Variants in PKN2 observed in about 807,000 individuals in gnomAD.
PKN2 encodes the protein serine/threonine-protein kinase N2.
A neutral mutation model predicts 119.1 loss-of-function variants in PKN2; 38 were observed. That is an observed-to-expected ratio of 0.32 (90% CI 0.25 to 0.42). The LOEUF (loss-of-function observed/expected upper bound fraction) is 0.42. Among genes scored for constraint, PKN2 ranks in the 10% least tolerant of loss-of-function variants. The pLI, the probability that PKN2 is intolerant of heterozygous loss-of-function variation, is 1.00. For synonymous variants in PKN2, 390 were observed against 384.9 expected (o/e 1.01, Z -0.15); for missense variants, 850 against 1,165.1 (o/e 0.73, Z 3.94).
At chr1:88,825,308 A>C (rs1672455010) in intron 18 of PKN2, among the ~76,000 whole-genome samples, 1 of 152,112 alleles carries the variant, frequency 6.6e-6, no homozygotes, top group Non-Finnish European at 1.5e-5. Flanking sequence ...TCTTCACTGC[A>C]ATTTTTTGAC....
At chr1:88,687,610 A>G (rs1666154746) in intron 1 of PKN2, among the ~76,000 whole-genome samples, 1 of 152,206 alleles carries the variant, frequency 6.6e-6, no homozygotes, top group Non-Finnish European at 1.5e-5. Context: ...TGATTATTGG[A>G]GATTCATTTT....
intron 1 of PKN2, among the ~76,000 whole-genome samples, chr1:88,686,643 T>TA (rs1553144007): frequency 6.6e-6 from 1 of 152,144 alleles, no homozygotes; most frequent in Non-Finnish European, 1.5e-5. Flanking sequence ...TGATAAAAGT[T>TA]ATTGCATTTA....
Position 88,760,396 on chromosome 1 carries a change from GTAAC to G in PKN2, c.504+23_504+26del. ...TCAAAGGTAAGTGTAGTTAATAAAT[GTAAC>G]TATATAGTCAGTCATTATTTGCAGA... On this transcript the variant is annotated intron_variant, in intron 3 of 21. Coordinates refer to ENST00000370521, the MANE Select transcript of PKN2 (RefSeq NM_006256.4). 7.5e-7 allele frequency: 1 copy of G among 1,331,982 alleles called. No individual in the cohort carries two copies. Among genetic ancestry groups the G allele is most frequent in the Non-Finnish European group, 1.0e-6 (1 of 954,700 alleles). 82.5% of individuals were successfully genotyped at this position (1,331,982 alleles called of 1,614,324 possible). A position where few individuals can be genotyped will look rare whatever the true frequency, so the allele number is the denominator to read the frequency against.
intron 1 of PKN2, among the ~76,000 whole-genome samples, chr1:88,737,962 C>T (rs1003381320): frequency 1.3e-5 from 2 of 152,050 alleles, no homozygotes; most frequent in African/African-American, 2.4e-5. Context: ...TTGGCTCTTG[C>T]GAAGTTACTT....
At chr1:88,797,248 C>T (rs1671110663) in intron 8 of PKN2, among the ~76,000 whole-genome samples, 1 of 151,690 alleles carries the variant, frequency 6.6e-6, no homozygotes, top group Admixed American at 6.6e-5. Flanking sequence ...GCAGGAGAAT[C>T]ACTTGAACCT....
intron 1 of PKN2, among the ~76,000 whole-genome samples, chr1:88,687,992 T>A (rs1341117057): frequency 6.6e-6 from 1 of 152,214 alleles, no homozygotes; most frequent in Non-Finnish European, 1.5e-5. Context: ...ATGTTGTGGA[T>A]CAGGAAACAA....
intron 1 of PKN2, among the ~76,000 whole-genome samples, chr1:88,723,418 C>CA (rs1170855197): frequency 6.7e-6 from 1 of 148,460 alleles, no homozygotes; most frequent in East Asian, 2.0e-4. Flanking sequence ...CTGCCCCCCC[C>CA]CCTTTTATTT....
chr1:88,832,570 A>T (rs773656542), intron 19 of PKN2, among the ~76,000 whole-genome samples, 174 bp from the exon 20 acceptor site: 3 of 151,854 alleles, frequency 2.0e-5, no homozygotes, highest in Non-Finnish European at 2.9e-5. Context: ...GTCACTTCTT[A>T]TAGTTCTTTT....
intron 2 of PKN2, among the ~76,000 whole-genome samples, chr1:88,744,513 C>T (rs977607717): frequency 5.3e-5 from 8 of 152,168 alleles, no homozygotes; most frequent in Non-Finnish European, 8.8e-5. Context: ...CTCCGCCTGC[C>T]GGGTTCAAGT....
chr1:88,696,846 A>AT (rs1421570121), intron 1 of PKN2, among the ~76,000 whole-genome samples: 1 of 152,062 alleles, frequency 6.6e-6, no homozygotes, highest in East Asian at 1.9e-4. Context: ...TCTGACCCCC[A>AT]TTTTTTCTGA....
At chr1:88,767,504 C>G (rs1042250207) in intron 3 of PKN2, among the ~76,000 whole-genome samples, 3 of 152,180 alleles carry the variant, frequency 2.0e-5, no homozygotes, top group African/African-American at 7.2e-5. Context: ...TGTACTTACA[C>G]AAACCTAGAT....
intron 8 of PKN2, among the ~76,000 whole-genome samples, chr1:88,790,076 C>T (rs544919198): frequency 1.3e-5 from 2 of 152,298 alleles, no homozygotes; most frequent in South Asian, 4.1e-4. Flanking sequence ...ATGTATTAGT[C>T]CGCATTTCTT....
rs754023326 is a variant in PKN2 at position 88,833,496 on chromosome 1, A to C, written c.*48A>C. Reference sequence around the variant, plus strand: ...AGCTGACTCACAAGAAGACCTCTTAAAAATAGCAACCCTTCATTTGCTCTC... The same window carrying C: ...AGCTGACTCACAAGAAGACCTCTTACAAATAGCAACCCTTCATTTGCTCTC... On this transcript the variant is annotated 3_prime_UTR_variant, in exon 22 of 22. Coordinates refer to ENST00000370521, the MANE Select transcript of PKN2 (RefSeq NM_006256.4). 2.1e-6 allele frequency: 3 copies of C among 1,451,920 alleles called. No individual in the cohort carries two copies. The South Asian group carries it at 3.5e-5, about 17-fold the overall frequency. 89.9% of individuals were successfully genotyped at this position (1,451,920 alleles called of 1,614,324 possible).
intron 12 of PKN2, 106 bp from the exon 13 acceptor site, chr1:88,807,207 C>A: frequency 1.1e-6 from 1 of 900,736 alleles, no homozygotes; most frequent in Non-Finnish European, 1.6e-6. Flanking sequence ...CTTTTCACTC[C>A]AACATTTATA....
chr1:88,713,994 A>C (rs564621621), intron 1 of PKN2, among the ~76,000 whole-genome samples: 1 of 152,306 alleles, frequency 6.6e-6, no homozygotes, highest in African/African-American at 2.4e-5. Context: ...TCAGCTTTCT[A>C]CATATGGCTA....
chr1:88,781,234 T>A (rs1228721340), intron 6 of PKN2: 1 of 1,005,244 alleles, frequency 9.9e-7, no homozygotes, highest in African/African-American at 1.7e-5. Context: ...TCCAGTTTCT[T>A]TTGTGGTTGT....
rs1438593032 is a variant in PKN2 at position 88,760,343 on chromosome 1, T to C, written c.471T>C (p.Asn157=). Residue 157 remains asparagine, a synonymous_variant, in exon 3 of 22, where the codon AAT becomes AAC. Transcript: ENST00000370521. ...IELKVKQGAE[N]MIQMYSNGSS... ...TTAAAGTAAAACAAGGTGCAGAGAA[T>C]ATGATACAGATGTATTCAAATGGAT... is the stretch of plus-strand genomic sequence containing the variant. 1 of 1,565,950 alleles carries C rather than the reference T, an allele frequency of 6.4e-7. No individual in the cohort carries two copies. Among genetic ancestry groups the C allele is most frequent in the South Asian group, 1.1e-5 (1 of 88,742 alleles).
intron 1 of PKN2, among the ~76,000 whole-genome samples, chr1:88,698,608 C>T (rs1188185443): frequency 6.6e-6 from 1 of 152,162 alleles, no homozygotes; most frequent in Non-Finnish European, 1.5e-5. Flanking sequence ...TCCATGTGTA[C>T]ATATGCACGG....
intron 6 of PKN2, among the ~76,000 whole-genome samples, chr1:88,774,550 C>T (rs1670013213): frequency 6.6e-6 from 1 of 152,024 alleles, no homozygotes; most frequent in African/African-American, 2.4e-5. Context: ...TAGAGGCTGT[C>T]TTCCAGAAAC....
Sources: gnomAD v4.1 joint callset for allele counts (sites outside exome capture counted in the v4.1 genomes callset) on GRCh38, gnomAD v4.1.1 for gene constraint, MANE v1.5 for transcripts, NCBI Gene and HGNC (gene_info 2026-07-23, HGNC 2026-07-21) for gene names.